Variants in NRG1 observed in about 807,000 individuals in gnomAD.
NRG1 encodes the protein neuregulin 1.
In NRG1, 18 loss-of-function variants were observed where a neutral mutation model predicts 63.8. The observed-to-expected ratio is 0.28, with a 90% confidence interval of 0.19 to 0.42. The LOEUF (loss-of-function observed/expected upper bound fraction) is 0.42. Ranked by LOEUF, NRG1 falls within the 10% of genes least tolerant of loss-of-function variation. NRG1 has a pLI of 1.00. For synonymous variants in NRG1, 302 were observed against 301.3 expected, an observed-to-expected ratio of 1.00 and a Z score of -0.02; for missense variants, 762 against 814.7, an observed-to-expected ratio of 0.94 and a Z score of 0.79.
At chr8:32,735,890 C>T (rs1824923486) in intron 6 of NRG1, among the ~76,000 whole-genome samples, 1 of 152,070 alleles carries the variant, frequency 6.6e-6, no homozygotes, top group South Asian at 2.1e-4. Flanking sequence ...TTTGAAAAGG[C>T]AGGACAAGTT....
At chr8:32,663,659 T>C (rs1803426394) in intron 5 of NRG1, among the ~76,000 whole-genome samples, 1 of 152,108 alleles carries the variant, frequency 6.6e-6, no homozygotes, top group South Asian at 2.1e-4. Context: ...TTCTGGAAAG[T>C]AAAAAGCAGC....
chr8:32,727,021 G>T (rs1822376310), intron 5 of NRG1, among the ~76,000 whole-genome samples: 1 of 151,598 alleles, frequency 6.6e-6, no homozygotes, highest in Non-Finnish European at 1.5e-5. Flanking sequence ...GTGTATATTA[G>T]ACTATTTTTG....
intron 1 of NRG1, among the ~76,000 whole-genome samples, chr8:32,058,959 A>G (rs985339060): frequency 6.6e-6 from 1 of 152,066 alleles, no homozygotes; most frequent in African/African-American, 2.4e-5. Context: ...AAATACAATC[A>G]TCTTTGCCCA....
intron 1 of NRG1, among the ~76,000 whole-genome samples, chr8:32,055,640 G>A (rs550482345): frequency 1.3e-5 from 2 of 149,544 alleles, no homozygotes; most frequent in African/African-American, 4.9e-5. Flanking sequence ...TTGTCACAAA[G>A]CCTATAGGAA....
intron 1 of NRG1, among the ~76,000 whole-genome samples, chr8:32,478,586 G>A (rs1233157166): frequency 6.6e-6 from 1 of 152,174 alleles, no homozygotes; most frequent in Non-Finnish European, 1.5e-5. Context: ...GCACATTAGA[G>A]TGCAATGAAG....
chr8:31,813,447 A>G (rs1823081789), intron 1 of NRG1, among the ~76,000 whole-genome samples: 5 of 149,894 alleles, frequency 3.3e-5, no homozygotes, highest in Admixed American at 3.3e-4. Flanking sequence ...TTATTTTCTG[A>G]TGAGAAAGTT....
intron 1 of NRG1, among the ~76,000 whole-genome samples, chr8:32,250,204 T>G (rs1476202435): frequency 2.0e-5 from 3 of 152,144 alleles, no homozygotes; most frequent in Non-Finnish European, 4.4e-5. Context: ...TACCTTCCAA[T>G]CAACTCCATA....
rs539545166 is a variant in NRG1, at chr8:31,794,386, A to T, written c.37+154955A>T. 2.8e-4 allele frequency among the ~76,000 whole-genome samples: 43 copies of T among 151,882 alleles called. No individual in the cohort carries two copies. The South Asian group carries it at 8.5e-3, about 30-fold the overall frequency. On this transcript the variant is annotated intron_variant, in intron 1 of 10. Transcript: ENST00000519301. ...ATTGGATACTTACCACATCTAGGAT[A>T]TTGTTAGCTGTTATAAATGATACAA...
intron 1 of NRG1, among the ~76,000 whole-genome samples, chr8:31,753,468 T>G (rs116567746): frequency 0.019 from 2,848 of 152,174 alleles, 101 homozygotes; most frequent in African/African-American, 0.066. Context: ...TGGAAAACTG[T>G]CTAAAGAAAA....
chr8:31,662,609 C>A (rs140478691), intron 1 of NRG1, among the ~76,000 whole-genome samples: 1 of 152,126 alleles, frequency 6.6e-6, no homozygotes, highest in Non-Finnish European at 1.5e-5. Context: ...GAGATAGATG[C>A]AATGGTAAAT....
chr8:32,392,958 A>G (rs1315585886), intron 1 of NRG1, among the ~76,000 whole-genome samples: 1 of 152,136 alleles, frequency 6.6e-6, no homozygotes, highest in African/African-American at 2.4e-5. Context: ...TGCCAGGCCT[A>G]GCAGGGCTGT....
At chr8:32,226,569 A>T (rs1846349693) in intron 1 of NRG1, among the ~76,000 whole-genome samples, 1 of 152,196 alleles carries the variant, frequency 6.6e-6, no homozygotes, top group African/African-American at 2.4e-5. Context: ...TTTCTAAAAA[A>T]ATATTCCAAA....
chr8:32,551,868 C>G (rs538043394), intron 1 of NRG1, among the ~76,000 whole-genome samples: 59 of 150,546 alleles, frequency 3.9e-4, no homozygotes, highest in African/African-American at 1.4e-3. Flanking sequence ...TGATTCAGCT[C>G]AACAGACTTT....
intron 1 of NRG1, among the ~76,000 whole-genome samples, chr8:32,452,435 G>GTATA (rs1821076189): frequency 6.6e-6 from 1 of 152,146 alleles, no homozygotes; most frequent in South Asian, 2.1e-4. Flanking sequence ...TGAGAAGACA[G>GTATA]TATAAATAAA....
rs138489056 is a variant in NRG1 at position 32,727,924 on chromosome 8, C to T, written c.503-25C>T. 468 of 1,612,258 alleles carry T rather than the reference C, an allele frequency of 2.9e-4. 2 individuals carry two copies. In the African/African-American group the frequency reaches 5.6e-3, roughly 19 times the overall value. On this transcript the variant is annotated intron_variant, in intron 5 of 11. Coordinates refer to ENST00000356819, the Ensembl canonical transcript of NRG1. Reference sequence around the variant, plus strand: ...AAGGGGGAAAAAAAGTCCATGTTAACCTTTCTCCTTTCTCTCCTCTTCAGC... The same window carrying T: ...AAGGGGGAAAAAAAGTCCATGTTAATCTTTCTCCTTTCTCTCCTCTTCAGC...
chr8:32,315,244 C>A lies in NRG1; in HGVS notation c.38-280584C>A, dbSNP rs376780936. Among the ~76,000 whole-genome samples the A allele has an allele frequency of 9.2e-5, 14 of 152,142 alleles. 1 individual carries two copies. Among genetic ancestry groups the A allele is most frequent in the Admixed American group, 5.9e-4 (9 of 15,268 alleles). On this transcript the variant is annotated intron_variant, in intron 1 of 10. Coordinates refer to the NRG1 transcript ENST00000519301. ...GTCATAGTGCTCTCCCTCTGCCCAC[C>A]CCCCTGACAGGTCCTGGTGTGTGTT... is the stretch of plus-strand genomic sequence containing the variant.
At chr8:32,102,847 C>T (rs1295780729) in intron 1 of NRG1, among the ~76,000 whole-genome samples, 1 of 151,950 alleles carries the variant, frequency 6.6e-6, no homozygotes, top group Non-Finnish European at 1.5e-5. Context: ...ACTGGAACTT[C>T]ATCCACAATT....
At chr8:32,146,461 G>C (rs1836878162) in intron 1 of NRG1, among the ~76,000 whole-genome samples, 1 of 152,124 alleles carries the variant, frequency 6.6e-6, no homozygotes, top group African/African-American at 2.4e-5. Context: ...ACATTAAAAT[G>C]ATTAGAATGA....
chr8:31,861,393 A>G (rs776451485), intron 1 of NRG1, among the ~76,000 whole-genome samples: 1 of 152,118 alleles, frequency 6.6e-6, no homozygotes, highest in Non-Finnish European at 1.5e-5. Flanking sequence ...AGTGTTCAAA[A>G]TCTATTACTG....
Sources: allele counts gnomAD v4.1 joint callset (sites outside exome capture counted in the v4.1 genomes callset), GRCh38; gene constraint gnomAD v4.1.1; transcripts MANE v1.5; gene names NCBI Gene and HGNC (gene_info 2026-07-23, HGNC 2026-07-21).